The following OPRM1 variants were observed in gnomAD, a reference collection of about 807,000 sequenced individuals.
OPRM1 encodes the protein mu-type opioid receptor.
In OPRM1, 27 loss-of-function variants were observed where a neutral mutation model predicts 31.8. The ratio of observed to expected loss-of-function variants is 0.85; its 90% CI spans 0.63 to 1.17. The LOEUF is 1.17. Among genes scored for constraint, OPRM1 ranks in the 50% most tolerant of loss-of-function variants. OPRM1 has a pLI of 0.00. For synonymous variants in OPRM1, 196 were observed against 189.9 expected (o/e 1.03, Z -0.26); for missense variants, 536 against 511.1 (o/e 1.05, Z -0.47).
At chr6:154,163,509 C>T (rs75379861) in intron 3 of OPRM1, among the ~76,000 whole-genome samples, 130 of 152,206 alleles carry the variant, frequency 8.5e-4, no homozygotes, top group African/African-American at 3.0e-3. Context: ...TCATATTATA[C>T]ATTTAATAGT....
At chr6:154,201,090 T>C (rs1435668870) in intron 3 of OPRM1, among the ~76,000 whole-genome samples, 1 of 152,198 alleles carries the variant, frequency 6.6e-6, no homozygotes, top group East Asian at 1.9e-4. Context: ...ATGTAAGATG[T>C]GCCTTGTTTC....
chr6:154,143,448 A>C (rs571805350), intron 3 of OPRM1, among the ~76,000 whole-genome samples: 20 of 152,364 alleles, frequency 1.3e-4, no homozygotes, highest in Admixed American at 3.9e-4. Context: ...TTGACAATGA[A>C]TTTATTCTTC....
At chr6:154,134,361 C>T (rs1005234524), downstream of OPRM1, among the ~76,000 whole-genome samples, 1 of 152,140 alleles carries the variant, frequency 6.6e-6, no homozygotes, top group African/African-American at 2.4e-5. Flanking sequence ...TCTGATGCAT[C>T]GACATTCAAT....
intron 3 of OPRM1, among the ~76,000 whole-genome samples, chr6:154,163,166 C>T (rs1039475437): frequency 1.3e-5 from 2 of 152,208 alleles, no homozygotes; most frequent in Admixed American, 6.5e-5. Context: ...TTTGCAATGG[C>T]AATGAGATCC....
At chr6:154,199,911 G>A in intron 3 of OPRM1, 1 of 1,614,174 alleles carries the variant, frequency 6.2e-7, no homozygotes, top group Non-Finnish European at 8.5e-7. Flanking sequence ...ACTGTGTCAG[G>A]CAAGGATTGT....
At chr6:154,147,425 C>T (rs1459220899) in intron 3 of OPRM1, among the ~76,000 whole-genome samples, 7 of 152,164 alleles carry the variant, frequency 4.6e-5, no homozygotes, top group Non-Finnish European at 8.8e-5. Flanking sequence ...CTACACAACA[C>T]ATTCTAGATT....
At chr6:154,201,634 C>T (rs1157572205) in intron 3 of OPRM1, among the ~76,000 whole-genome samples, 1 of 152,170 alleles carries the variant, frequency 6.6e-6, no homozygotes, top group African/African-American at 2.4e-5. Flanking sequence ...GTGGCTCATG[C>T]CTGTAATCCC....
intron 3 of OPRM1, among the ~76,000 whole-genome samples, chr6:154,142,514 T>C (rs967371449): frequency 1.3e-5 from 2 of 152,028 alleles, no homozygotes; most frequent in African/African-American, 4.8e-5. Flanking sequence ...CCACTGAGCA[T>C]GCAGGCGGCT....
intron 3 of OPRM1, among the ~76,000 whole-genome samples, chr6:154,219,442 A>C (rs1778671829): frequency 6.6e-6 from 1 of 152,146 alleles, no homozygotes; most frequent in African/African-American, 2.4e-5. Context: ...GGTATTGGGC[A>C]GGGGAGAGGC....
intron 3 of OPRM1, among the ~76,000 whole-genome samples, chr6:154,242,133 GT>G (rs1420769853): frequency 2.6e-4 from 40 of 152,252 alleles, no homozygotes; most frequent in African/African-American, 9.4e-4. Context: ...GGCACAGCTC[GT>G]TTATATTTTC....
At chr6:154,079,240 G>GCCC (rs1562436359) in intron 1 of OPRM1, among the ~76,000 whole-genome samples, 1 of 152,224 alleles carries the variant, frequency 6.6e-6, no homozygotes, top group Admixed American at 6.5e-5. Flanking sequence ...CCCTGGAGTA[G>GCCC]CTAGAGGGGA....
At chr6:154,222,916 C>G in intron 3 of OPRM1, 1 of 514,926 alleles carries the variant, frequency 1.9e-6, no homozygotes, top group Non-Finnish European at 3.5e-6. Context: ...CCATCACAGA[C>G]ACAGTCATCA....
At chr6:154,207,002 A>C (rs1777552241) in intron 3 of OPRM1, among the ~76,000 whole-genome samples, 1 of 152,232 alleles carries the variant, frequency 6.6e-6, no homozygotes. Context: ...TGTGCAGGTG[A>C]ATCAATGTGA....
chr6:154,216,740 C>T lies in OPRM1; in HGVS notation c.1165-29953C>T, dbSNP rs150366495. Among the ~76,000 whole-genome samples, 317 of 152,250 alleles carry T rather than the reference C, an allele frequency of 2.1e-3. 8 individuals are homozygous for T. The East Asian group carries it at 0.042, about 20-fold the overall frequency. ...AAAATTAGCCAGGCGTGGTGGCACA[C>T]GCCTATAATCCCAGCTACTTGGGAG... On this transcript the variant is annotated intron_variant, in intron 3 of 3. Coordinates refer to the OPRM1 transcript ENST00000337049.
chr6:154,161,595 C>CTGA (rs1353942466), intron 3 of OPRM1, among the ~76,000 whole-genome samples: 1 of 152,170 alleles, frequency 6.6e-6, no homozygotes, highest in Non-Finnish European at 1.5e-5. Context: ...CAAAATTGGA[C>CTGA]TGATAAGCTT....
intron 3 of OPRM1, chr6:154,216,954 A>G: frequency 6.1e-6 from 1 of 163,156 alleles, no homozygotes; most frequent in Non-Finnish European, 1.4e-5. Flanking sequence ...CACCTGACCC[A>G]AAAAACCCCA....
Position 154,125,399 on chromosome 6 carries a change from T to C in OPRM1, c.*6678T>C, listed in dbSNP as rs1797531171. The stretch of plus-strand genomic sequence containing the variant: ...TAAACCTCTGAAGCAATAAACCTCT[T>C]CCATTACACAGGTTTAGATTCAGAG... On this transcript the variant is annotated 3_prime_UTR_variant, in exon 4 of 4. Coordinates refer to ENST00000330432, the MANE Select transcript of OPRM1 (RefSeq NM_000914.5). 6.6e-6 allele frequency among the ~76,000 whole-genome samples: 1 copy of C among 152,176 alleles called. No homozygotes were observed. Among genetic ancestry groups the C allele is most frequent in the African/African-American group, 2.4e-5 (1 of 41,424 alleles).
intron 3 of OPRM1, chr6:154,160,031 G>A (rs780427688): frequency 1.2e-6 from 2 of 1,610,956 alleles, no homozygotes; most frequent in Non-Finnish European, 1.7e-6. Context: ...GCCAGATCAT[G>A]TTCTTTACAC....
chr6:154,212,653 T>G, intron 3 of OPRM1: 2 of 660,878 alleles, frequency 3.0e-6, no homozygotes. Flanking sequence ...CGTTGGCAGG[T>G]ATCTTAATTT....
Sources: allele counts gnomAD v4.1 joint callset (sites outside exome capture counted in the v4.1 genomes callset), GRCh38; gene constraint gnomAD v4.1.1; transcripts MANE v1.5; gene names NCBI Gene and HGNC (gene_info 2026-07-23, HGNC 2026-07-21).